MPDZ: variants seen among roughly 807,000 people sequenced by gnomAD.
The protein encoded by MPDZ is multiple PDZ domain crumbs cell polarity complex component.
Under a neutral mutation model 239.1 loss-of-function variants are expected in MPDZ, and 234 were observed. The observed-to-expected ratio is 0.98, with a 90% confidence interval of 0.88 to 1.09. The LOEUF is 1.09. Ranked by LOEUF, MPDZ falls within the 50% of genes least tolerant of loss-of-function variation. The pLI is 0.00. For missense variants in MPDZ, 3,175 were observed against 2,510.0 expected (o/e 1.26, Z -5.66); for synonymous variants, 1,048 against 881.3 (o/e 1.19, Z -3.35).
intron 1 of MPDZ, among the ~76,000 whole-genome samples, chr9:13,260,177 G>A (rs1970349616): frequency 1.3e-5 from 2 of 151,910 alleles, no homozygotes; most frequent in Non-Finnish European, 2.9e-5. Flanking sequence ...GTTTATTTTG[G>A]CAAAGTGATC....
At chr9:13,231,262 T>C (rs1267966999) in intron 3 of MPDZ, among the ~76,000 whole-genome samples, 3 of 152,046 alleles carry the variant, frequency 2.0e-5, no homozygotes, top group African/African-American at 4.8e-5. Flanking sequence ...TGGTAACACA[T>C]TTATCAAAAT....
At chr9:13,246,549 C>T (rs1966634068) in intron 3 of MPDZ, among the ~76,000 whole-genome samples, 1 of 152,156 alleles carries the variant, frequency 6.6e-6, no homozygotes, top group African/African-American at 2.4e-5. Context: ...ACTTTTAAAA[C>T]CATTAAATAG....
Position 13,147,622 on chromosome 9 carries a change from G to T in MPDZ, c.3667C>A (p.Gln1223Lys), listed in dbSNP as rs1355442309. Residue 1223 changes from glutamine (Q) to lysine (K), a missense_variant, in exon 26 of 47, where the codon CAA (glutamine) becomes AAA (lysine). By Grantham distance (53) the Gln-to-Lys change is moderately conservative. Coordinates refer to ENST00000319217, the MANE Select transcript of MPDZ (RefSeq NM_001378778.1). ...GMDLRDASHEQAVEAIRKAGN... is the reference protein window; with the variant it reads ...GMDLRDASHEKAVEAIRKAGN... ...GCTTTCCGAATGGCTTCCACAGCTT[G>T]TTCATGGCTTGCATCTCTGAGGTCC... 6.2e-7 allele frequency: 1 copy of T among 1,612,310 alleles called. No individual in the cohort carries two copies. The highest frequency in any genetic ancestry group is 1.7e-5 in the Admixed American group (1 of 59,882).
intron 1 of MPDZ, among the ~76,000 whole-genome samples, chr9:13,267,669 G>A (rs1972071473): frequency 6.6e-6 from 1 of 152,172 alleles, no homozygotes; most frequent in South Asian, 2.1e-4. Context: ...ACATGGAGAA[G>A]AATGTGTTTG....
intron 2 of MPDZ, 111 bp from the exon 3 acceptor site, chr9:13,247,912 A>C: frequency 9.5e-7 from 1 of 1,050,542 alleles, no homozygotes; most frequent in Non-Finnish European, 1.3e-6. Flanking sequence ...AGTGCATAAA[A>C]TTGTCTCTTT....
intron 39 of MPDZ, among the ~76,000 whole-genome samples, chr9:13,116,116 G>T (rs1238580848): frequency 6.6e-6 from 1 of 152,060 alleles, no homozygotes; most frequent in African/African-American, 2.4e-5. Flanking sequence ...GATAAATACT[G>T]CTATCAACAC....
chr9:13,171,448 T>C (rs920971356), intron 21 of MPDZ, among the ~76,000 whole-genome samples: 21 of 152,218 alleles, frequency 1.4e-4, no homozygotes, highest in African/African-American at 4.3e-4. Context: ...CCTTTAAGGG[T>C]TGAGTAATTT....
At chr9:13,172,312 C>T (rs1951873934) in intron 21 of MPDZ, among the ~76,000 whole-genome samples, 1 of 151,484 alleles carries the variant, frequency 6.6e-6, no homozygotes, top group Admixed American at 6.6e-5. Context: ...TTGTGATTTA[C>T]ACTTTTATAT....
chr9:13,161,759 C>G (rs1367768284), intron 23 of MPDZ, among the ~76,000 whole-genome samples: 1 of 152,124 alleles, frequency 6.6e-6, no homozygotes, highest in Non-Finnish European at 1.5e-5. Context: ...GACATTATTT[C>G]TCTCCCTGAT....
In MPDZ at chr9:13,250,034, C is replaced by T. The variant is rs567160074; in HGVS notation, c.16+266G>A. On this transcript the variant is annotated intron_variant, in intron 2 of 46. Coordinates refer to ENST00000319217, the MANE Select transcript of MPDZ (RefSeq NM_001378778.1). ...GGCTCATAAATCAGAATTGGGCTTACATTAAGCTTTATTAAAACCCATAAT... is the reference window on the plus strand; with the variant it reads ...GGCTCATAAATCAGAATTGGGCTTATATTAAGCTTTATTAAAACCCATAAT... Among the ~76,000 whole-genome samples the T allele has an allele frequency of 6.6e-5, 10 of 152,290 alleles. No individual in the cohort carries two copies. The East Asian group carries it at 1.5e-3, about 24-fold the overall frequency.
In MPDZ at chr9:13,222,456, A is replaced by C; in HGVS notation, c.534-10T>G. On this transcript the variant is annotated splice_polypyrimidine_tract_variant and intron_variant, in intron 5 of 46. Transcript: ENST00000319217. ...TTTCAATCTTCCATCTCTATCAAGG[A>C]TGCAAAAGGGGATAAAAGACAATCT... The C allele has an allele frequency of 6.2e-7, 1 of 1,603,652 alleles. No individual in the cohort carries two copies. Among genetic ancestry groups the C allele is most frequent in the East Asian group, 2.2e-5 (1 of 44,778 alleles).
At chr9:13,158,229 T>C (rs976375792) in intron 23 of MPDZ, 119 bp from the exon 24 acceptor site, 2 of 686,734 alleles carry the variant, frequency 2.9e-6, no homozygotes, top group African/African-American at 3.6e-5. Flanking sequence ...TCACCATACA[T>C]GGCCATAAGT....
chr9:13,136,728 T>C lies in MPDZ; in HGVS notation c.4276A>G (p.Lys1426Glu). The C allele has an allele frequency of 6.3e-7, 1 of 1,590,272 alleles. No individual in the cohort carries two copies. Among genetic ancestry groups the C allele is most frequent in the Non-Finnish European group, 8.6e-7 (1 of 1,164,802 alleles). ...AATGATCACCTGATAAAAATTATTT[T>C]CACTTTAGAAGGGGCACATTTAATG... The part of the protein sequence containing the change: ...SIIKCAPSKV[K>E]IIFIRNKDAV... The change falls in exon 30 of 47, where the codon AAA (lysine) becomes GAA (glutamate). Residue 1426 changes from lysine (K) to glutamate (E), a missense_variant. Coordinates refer to ENST00000319217, the MANE Select transcript of MPDZ (RefSeq NM_001378778.1).
chr9:13,177,128 T>C (rs921228537), intron 19 of MPDZ, among the ~76,000 whole-genome samples: 5 of 152,162 alleles, frequency 3.3e-5, no homozygotes, highest in African/African-American at 7.2e-5. Context: ...TAGAGTTCTA[T>C]ATAAATATGT....
intron 32 of MPDZ, among the ~76,000 whole-genome samples, chr9:13,130,979 A>G (rs1248662246): frequency 1.3e-5 from 2 of 152,360 alleles, no homozygotes; most frequent in African/African-American, 2.4e-5. Context: ...TTATGGGAAC[A>G]GTTCAAAGTG....
intron 3 of MPDZ, among the ~76,000 whole-genome samples, chr9:13,228,556 T>A (rs373797357): frequency 7.2e-5 from 11 of 152,134 alleles, no homozygotes; most frequent in African/African-American, 2.4e-4. Flanking sequence ...CATTTGTATA[T>A]AGGATTTCTT....
chr9:13,234,490 T>C (rs1208933364), intron 3 of MPDZ, among the ~76,000 whole-genome samples: 3 of 152,122 alleles, frequency 2.0e-5, no homozygotes, highest in East Asian at 3.8e-4. Flanking sequence ...TGGTAGATTA[T>C]CAAAATCTGT....
intron 27 of MPDZ, among the ~76,000 whole-genome samples, chr9:13,142,928 G>T (rs1167522433): frequency 6.6e-6 from 1 of 152,054 alleles, no homozygotes; most frequent in Non-Finnish European, 1.5e-5. Context: ...AAAATGAGAA[G>T]ATCCAAGTAT....
At chr9:13,263,692 G>C (rs1313475175) in intron 1 of MPDZ, among the ~76,000 whole-genome samples, 1 of 152,144 alleles carries the variant, frequency 6.6e-6, no homozygotes, top group Non-Finnish European at 1.5e-5. Flanking sequence ...TATGGCCCTG[G>C]ATTAGTCAAC....
Sources: gnomAD v4.1 joint callset for allele counts (sites outside exome capture counted in the v4.1 genomes callset) on GRCh38, gnomAD v4.1.1 for gene constraint, MANE v1.5 for transcripts, NCBI Gene and HGNC (gene_info 2026-07-23, HGNC 2026-07-21) for gene names.